VWC2L: variants seen among roughly 807,000 people sequenced by gnomAD.
VWC2L encodes von Willebrand factor C domain-containing protein 2-like.
Under a neutral mutation model 21.6 loss-of-function variants are expected in VWC2L, and 10 were observed. The ratio of observed to expected loss-of-function variants is 0.46; its 90% CI spans 0.29 to 0.78. VWC2L has a LOEUF of 0.78. Ranked by LOEUF, VWC2L falls within the 30% of genes least tolerant of loss-of-function variation. VWC2L has a pLI of 0.10. For missense variants in VWC2L, 209 were observed against 277.1 expected, an observed-to-expected ratio of 0.75 and a Z score of 1.74; for synonymous variants, 96 against 94.3, an observed-to-expected ratio of 1.02 and a Z score of -0.10.
At position 214,503,940 on chromosome 2, in the gene VWC2L, T is replaced by C. The variant is rs149667799; in HGVS notation, c.520+67182T>C. ...CCCTTGAAATTCTTCCATCTGTGGA[T>C]AGATTATTCTGCAGGGAAGGAGCAC... On this transcript the variant is annotated intron_variant, in intron 3 of 3. Transcript: ENST00000312504. 4.6e-5 allele frequency among the ~76,000 whole-genome samples: 7 copies of C among 151,938 alleles called. No individual in the cohort carries two copies. The East Asian group carries it at 9.8e-4, about 21-fold the overall frequency.
chr2:214,416,246 C>G (rs965792335), intron 2 of VWC2L, among the ~76,000 whole-genome samples: 1 of 152,032 alleles, frequency 6.6e-6, no homozygotes, highest in African/African-American at 2.4e-5. Flanking sequence ...AGTTTTCCCT[C>G]TATTTATTAG....
At chr2:214,436,523 A>G (rs1702681730) in intron 2 of VWC2L, 106 bp from the exon 3 acceptor site, 10 of 1,388,776 alleles carry the variant, frequency 7.2e-6, no homozygotes, top group Non-Finnish European at 9.8e-6. Flanking sequence ...GAATTAATAC[A>G]GTAAAGCCAA....
chr2:214,573,251 A>T (rs1287425062), intron 3 of VWC2L, among the ~76,000 whole-genome samples: 1 of 152,060 alleles, frequency 6.6e-6, no homozygotes, highest in East Asian at 1.9e-4. Context: ...ATACACACAC[A>T]CACACATACA....
chr2:214,451,377 G>A (rs13386142), intron 3 of VWC2L, among the ~76,000 whole-genome samples: 7 of 149,510 alleles, frequency 4.7e-5, no homozygotes, highest in Non-Finnish European at 1.0e-4. Context: ...GTTCTACTAA[G>A]ATAAGAAGAA....
chr2:214,530,763 T>C (rs937418533), intron 3 of VWC2L, among the ~76,000 whole-genome samples: 7 of 152,196 alleles, frequency 4.6e-5, no homozygotes, highest in Non-Finnish European at 7.4e-5. Flanking sequence ...GGCGAGTTAA[T>C]AATGTATACT....
chr2:214,542,681 A>G (rs1015890003), intron 3 of VWC2L, among the ~76,000 whole-genome samples: 4 of 152,024 alleles, frequency 2.6e-5, no homozygotes, highest in Non-Finnish European at 5.9e-5. Context: ...TTATTATCCC[A>G]CTAGTATGCC....
intron 3 of VWC2L, among the ~76,000 whole-genome samples, chr2:214,548,232 C>A (rs1055919085): frequency 5.3e-5 from 8 of 152,146 alleles, no homozygotes; most frequent in Non-Finnish European, 1.0e-4. Context: ...AGCTCAGCAT[C>A]TCTCCTGTAT....
chr2:214,467,214 C>T (rs569107071), intron 3 of VWC2L, among the ~76,000 whole-genome samples: 2 of 152,188 alleles, frequency 1.3e-5, no homozygotes, highest in South Asian at 2.1e-4. Context: ...CTAGCTGGAA[C>T]AGTCACTTTT....
At chr2:214,488,079 C>T (rs1574592743) in intron 3 of VWC2L, among the ~76,000 whole-genome samples, 1 of 152,190 alleles carries the variant, frequency 6.6e-6, no homozygotes, top group Admixed American at 6.5e-5. Context: ...GTCTTGGATT[C>T]TACTGCAGCT....
At chr2:214,551,902 A>G (rs1226169486) in intron 3 of VWC2L, among the ~76,000 whole-genome samples, 1 of 152,242 alleles carries the variant, frequency 6.6e-6, no homozygotes, top group African/African-American at 2.4e-5. Context: ...CCAGCAGACG[A>G]TGTCTTTCCT....
intron 3 of VWC2L, among the ~76,000 whole-genome samples, chr2:214,458,612 G>A (rs1703090864): frequency 6.6e-6 from 1 of 151,916 alleles, no homozygotes; most frequent in South Asian, 2.1e-4. Flanking sequence ...CTATTACCAT[G>A]GGTTTTGGTA....
chr2:214,413,555 G>A (rs986853030), intron 1 of VWC2L, among the ~76,000 whole-genome samples: 5 of 151,966 alleles, frequency 3.3e-5, no homozygotes, highest in Non-Finnish European at 5.9e-5. Context: ...TGATGTTGAC[G>A]CCATTGTTGT....
intron 3 of VWC2L, among the ~76,000 whole-genome samples, chr2:214,466,854 T>C (rs78598107): frequency 1.9e-3 from 285 of 152,346 alleles, no homozygotes; most frequent in African/African-American, 6.6e-3. Context: ...TGTTTTTGTC[T>C]GCTTATTCTG....
chr2:214,557,147 A>C (rs1689885866), intron 3 of VWC2L, among the ~76,000 whole-genome samples: 1 of 152,152 alleles, frequency 6.6e-6, no homozygotes, highest in African/African-American at 2.4e-5. Flanking sequence ...TGATAAAGAC[A>C]TACCCGAGAC....
chr2:214,536,865 C>G (rs545846841), intron 3 of VWC2L: 1 of 151,974 alleles, frequency 6.6e-6, no homozygotes, highest in East Asian at 1.9e-4. Flanking sequence ...TATCACTATC[C>G]CTAAATAAAT....
At chr2:214,459,901 A>ATTT (rs1703113513) in intron 3 of VWC2L, among the ~76,000 whole-genome samples, 1 of 79,722 alleles carries the variant, frequency 1.3e-5, no homozygotes, top group African/African-American at 6.1e-5. Context: ...TTTTCCTTTG[A>ATTT]CTTTTTTTTT....
At chr2:214,433,159 G>GATATATATATATATATAT (rs5838434) in intron 2 of VWC2L, among the ~76,000 whole-genome samples, 2,295 of 132,370 alleles carry the variant, frequency 0.017, 28 homozygotes, top group Admixed American at 0.023. Context: ...CAAGCCACCT[G>GATATATATATATATATAT]ATATATATAT....
chr2:214,507,252 TAAG>T (rs1305601062), intron 3 of VWC2L, among the ~76,000 whole-genome samples: 2 of 152,198 alleles, frequency 1.3e-5, no homozygotes, highest in Non-Finnish European at 2.9e-5. Context: ...CTAATAAGTT[TAAG>T]AAGACAAATG....
intron 2 of VWC2L, among the ~76,000 whole-genome samples, chr2:214,419,708 C>G (rs1196785466): frequency 1.3e-5 from 2 of 152,034 alleles, no homozygotes; most frequent in African/African-American, 2.4e-5. Flanking sequence ...TCTCTGAATT[C>G]TATATTCGAA....
Sources: allele counts gnomAD v4.1 joint callset (sites outside exome capture counted in the v4.1 genomes callset), GRCh38; gene constraint gnomAD v4.1.1; transcripts MANE v1.5; gene names NCBI Gene and HGNC (gene_info 2026-07-23, HGNC 2026-07-21).